The following TTC13 variants were observed in gnomAD, a reference collection of about 807,000 sequenced individuals.
TTC13 encodes tetratricopeptide repeat protein 13.
Under a neutral mutation model 120.0 loss-of-function variants are expected in TTC13, and 62 were observed. The ratio of observed to expected loss-of-function variants is 0.52; its 90% confidence interval spans 0.42 to 0.64. TTC13 has a LOEUF of 0.64. TTC13 is among the 30% of genes least tolerant of loss of function. TTC13 has a pLI of 0.00. For synonymous variants in TTC13, 384 were observed against 393.5 expected, an observed-to-expected ratio of 0.98 and a Z score of 0.28; for missense variants, 824 against 1,050.2, an observed-to-expected ratio of 0.78 and a Z score of 2.98.
chr1:230,933,763 T>C lies in TTC13; in HGVS notation c.983+16A>G. 6.6e-7 allele frequency: 1 copy of C among 1,505,898 alleles called. No individual in the cohort carries two copies. The highest frequency in any genetic ancestry group is 9.1e-7 in the Non-Finnish European group (1 of 1,096,420). The allele number at this position is 1,505,898 out of a possible 1,614,324, so 93.3% of individuals were successfully genotyped here. A position where few individuals can be genotyped will look rare whatever the true frequency, so the allele number is the denominator to read the frequency against. ...TTCAGCCTCCCTCCTACCCCAACTG[T>C]TATTATTTTACTCACCTATATGCCT... On this transcript the variant is annotated intron_variant, in intron 9 of 22. Coordinates refer to ENST00000366661, the MANE Select transcript of TTC13 (RefSeq NM_024525.5).
chr1:230,934,964 C>A (rs550530862), intron 8 of TTC13, among the ~76,000 whole-genome samples: 4 of 152,338 alleles, frequency 2.6e-5, no homozygotes, highest in South Asian at 4.1e-4. Context: ...TCATTCCCTG[C>A]ACCTTGATTT....
chr1:230,928,975 T>G lies in TTC13; in HGVS notation c.1419A>C (p.Glu473Asp). Residue 473 changes from glutamate (E) to aspartate (D), a missense_variant, in exon 12 of 23, where the codon GAA becomes GAC. Physicochemically the swap from Glu to Asp is conservative, Grantham distance 45 (BLOSUM62 2). Coordinates refer to ENST00000366661, the MANE Select transcript of TTC13 (RefSeq NM_024525.5). Reference sequence around the variant, plus strand: ...GCAACCCTGGCTGCTCTTCGTAGTCTTCTATGAGGAAAGGCAAATTTTTAG... The same window carrying G: ...GCAACCCTGGCTGCTCTTCGTAGTCGTCTATGAGGAAAGGCAAATTTTTAG... The part of the protein sequence containing the change: ...HWAKNLPFLI[E>D]DYEEQPGLQP... The G allele has an allele frequency of 6.2e-7, 1 of 1,614,134 alleles. No individual in the cohort carries two copies.
chr1:230,978,531 G>T lies in TTC13; in HGVS notation c.271+29C>A. The stretch of plus-strand genomic sequence containing the variant: ...GCCCCGCTGCCCCGCCGCCCCGGCC[G>T]ACTCGGACGCCCGCCGCCGCCCACT... On this transcript the variant is annotated intron_variant, in intron 1 of 22. Coordinates refer to ENST00000366661, the MANE Select transcript of TTC13 (RefSeq NM_024525.5). The surrounding 1 kb of genome is among the most constrained non-coding windows in gnomAD (Gnocchi z 5.6). The T allele has an allele frequency of 2.6e-6, 2 of 780,214 alleles. No homozygotes were observed. Among genetic ancestry groups the T allele is most frequent in the Non-Finnish European group, 3.5e-6 (2 of 569,562 alleles). The allele number at this position is 780,214 out of a possible 1,614,324, so 48.3% of individuals were successfully genotyped here. A position where few individuals can be genotyped will look rare whatever the true frequency, so the allele number is the denominator to read the frequency against.
chr1:230,948,020 C>A (rs1031863142), intron 4 of TTC13, among the ~76,000 whole-genome samples: 4 of 152,136 alleles, frequency 2.6e-5, no homozygotes, highest in Non-Finnish European at 4.4e-5. Flanking sequence ...CTGTGATCAC[C>A]TTACCTGTTC....
chr1:230,961,851 T>A (rs1193127110), intron 1 of TTC13, among the ~76,000 whole-genome samples: 2 of 152,170 alleles, frequency 1.3e-5, no homozygotes, highest in South Asian at 2.1e-4. Context: ...TGGGGCAGCA[T>A]TTACCATAGA....
intron 5 of TTC13, 110 bp downstream of exon 5, chr1:230,945,279 T>C: frequency 1.0e-6 from 1 of 973,664 alleles, no homozygotes; most frequent in Non-Finnish European, 1.7e-6. Context: ...GAATGATAGA[T>C]ACCACTCCAC....
At chr1:230,945,314 T>A in intron 5 of TTC13, 75 bp downstream of exon 5, 1 of 1,262,924 alleles carries the variant, frequency 7.9e-7, no homozygotes, top group Non-Finnish European at 1.2e-6. Context: ...CAATGAACAG[T>A]AGCAGTTCTA....
At chr1:230,939,252 C>G in intron 8 of TTC13, 134 bp downstream of exon 8, 1 of 481,914 alleles carries the variant, frequency 2.1e-6, no homozygotes, top group East Asian at 3.0e-5. Flanking sequence ...CTTTCTGTAT[C>G]TCCCTCCAAG....
chr1:230,932,756 T>C (rs1367400173), intron 9 of TTC13, among the ~76,000 whole-genome samples: 2 of 152,176 alleles, frequency 1.3e-5, no homozygotes, highest in Non-Finnish European at 2.9e-5. Context: ...AACTATCAGA[T>C]AAATAAGCTC....
intron 3 of TTC13, 87 bp downstream of exon 3, chr1:230,958,137 A>G (rs1450304294): frequency 1.4e-6 from 2 of 1,393,812 alleles, no homozygotes; most frequent in Non-Finnish European, 2.0e-6. Context: ...CAGTCTCTCT[A>G]CTCCTTACCA....
chr1:230,941,558 C>T (rs1408282612), intron 6 of TTC13, among the ~76,000 whole-genome samples: 3 of 152,190 alleles, frequency 2.0e-5, no homozygotes, highest in African/African-American at 7.2e-5. Flanking sequence ...CTGTGTTGGC[C>T]TCCCAAAATT....
intron 1 of TTC13, among the ~76,000 whole-genome samples, chr1:230,969,705 T>A (rs908020222): frequency 3.9e-5 from 6 of 152,186 alleles, no homozygotes; most frequent in African/African-American, 1.4e-4. Context: ...TCCCTGACTG[T>A]TTGACTTAGA....
chr1:230,928,841 C>T (rs1673278504), intron 12 of TTC13, 96 bp downstream of exon 12: 3 of 1,342,836 alleles, frequency 2.2e-6, no homozygotes, highest in Middle Eastern at 2.2e-4. Context: ...TTCTACCTCA[C>T]CCTCCCAAGT....
At chr1:230,924,017 A>G in intron 14 of TTC13, 84 bp from the exon 15 acceptor site, 1 of 981,542 alleles carries the variant, frequency 1.0e-6, no homozygotes. Context: ...AAAGGTGGGG[A>G]TAAAGCAACA....
intron 9 of TTC13, among the ~76,000 whole-genome samples, chr1:230,932,693 A>G (rs1673663354): frequency 1.3e-5 from 2 of 152,208 alleles, no homozygotes; most frequent in East Asian, 3.8e-4. Flanking sequence ...TCATCCCTTA[A>G]ACCCCAAACA....
At chr1:230,972,215 C>T (rs544204127) in intron 1 of TTC13, among the ~76,000 whole-genome samples, 18 of 152,324 alleles carry the variant, frequency 1.2e-4, no homozygotes, top group African/African-American at 4.3e-4. Context: ...AAAACATTTC[C>T]CAAATGAAAC....
intron 1 of TTC13, among the ~76,000 whole-genome samples, chr1:230,966,359 G>T (rs1677126756): frequency 1.3e-5 from 2 of 152,136 alleles, no homozygotes; most frequent in Admixed American, 6.5e-5. Flanking sequence ...TATGATTTGT[G>T]TTAGGATGGC....
chr1:230,962,921 C>T (rs1047963554), intron 1 of TTC13, among the ~76,000 whole-genome samples: 2 of 151,974 alleles, frequency 1.3e-5, no homozygotes, highest in Non-Finnish European at 2.9e-5. Context: ...TGGTGATTGC[C>T]GGGGATAGGG....
chr1:230,934,390 A>C lies in TTC13; in HGVS notation c.901-529T>G, dbSNP rs189643188. On this transcript the variant is annotated intron_variant, in intron 8 of 22. Transcript: ENST00000366661. Reference sequence around the variant, plus strand: ...TTCCCATGATCTACGAGGAAAAAGAAAAAGTAAAACAAAACAAAACAAAAA... The same window carrying C: ...TTCCCATGATCTACGAGGAAAAAGACAAAGTAAAACAAAACAAAACAAAAA... 2.7e-3 allele frequency among the ~76,000 whole-genome samples: 410 copies of C among 152,342 alleles called. 3 individuals carry two copies. Among genetic ancestry groups the C allele is most frequent in the African/African-American group, 9.3e-3 (388 of 41,578 alleles).
Sources: allele counts gnomAD v4.1 joint callset (sites outside exome capture counted in the v4.1 genomes callset), GRCh38; gene constraint gnomAD v4.1.1; non-coding constraint Gnocchi (gnomAD v3.1); transcripts MANE v1.5; gene names NCBI Gene and HGNC (gene_info 2026-07-23, HGNC 2026-07-21).